Variants in ULK4 observed in about 807,000 individuals in gnomAD.
ULK4 encodes unc-51 like kinase 4.
A neutral mutation model predicts 160.6 loss-of-function variants in ULK4; 133 were observed. That is an observed-to-expected ratio of 0.83 (90% CI 0.72 to 0.96). The LOEUF is 0.96. Ranked by LOEUF, ULK4 falls within the 40% of genes least tolerant of loss-of-function variation. The pLI is 0.00. For missense variants in ULK4, 1,580 were observed against 1,499.5 expected, an observed-to-expected ratio of 1.05 and a Z score of -0.89; for synonymous variants, 534 against 539.8, an observed-to-expected ratio of 0.99 and a Z score of 0.15.
intron 22 of ULK4, among the ~76,000 whole-genome samples, chr3:41,726,609 C>G (rs1027987610): frequency 4.6e-5 from 7 of 151,998 alleles, no homozygotes; most frequent in African/African-American, 1.4e-4. Flanking sequence ...ATCAATTCTC[C>G]TTTGTGTCCC....
intron 35 of ULK4, among the ~76,000 whole-genome samples, chr3:41,378,118 G>A (rs1279014249): frequency 1.3e-5 from 2 of 150,318 alleles, no homozygotes; most frequent in East Asian, 2.0e-4. Context: ...GTAAACTATT[G>A]CAAGAACAAA....
intron 27 of ULK4, among the ~76,000 whole-genome samples, chr3:41,695,994 C>T (rs901667734): frequency 3.3e-5 from 5 of 152,202 alleles, no homozygotes; most frequent in Admixed American, 3.3e-4. Flanking sequence ...GCTCCTTGGT[C>T]TAGCGGTAAC....
chr3:41,402,793 T>C (rs2082208546), intron 34 of ULK4, among the ~76,000 whole-genome samples: 2 of 152,186 alleles, frequency 1.3e-5, no homozygotes, highest in African/African-American at 2.4e-5. Context: ...GAGATACTGA[T>C]TGTAGTCTTT....
chr3:41,542,489 GT>G (rs1487096136), intron 32 of ULK4, among the ~76,000 whole-genome samples: 2 of 151,940 alleles, frequency 1.3e-5, no homozygotes, highest in Non-Finnish European at 2.9e-5. Flanking sequence ...TTCTTTTTTT[GT>G]TTTGTCTTTG....
At chr3:41,840,662 T>C (rs967410805) in intron 17 of ULK4, among the ~76,000 whole-genome samples, 2 of 152,342 alleles carry the variant, frequency 1.3e-5, no homozygotes, top group Admixed American at 6.5e-5. Flanking sequence ...AGACGGAGTC[T>C]CGCTCACTCA....
At chr3:41,476,198 C>G (rs1253760050) in intron 32 of ULK4, among the ~76,000 whole-genome samples, 1 of 152,102 alleles carries the variant, frequency 6.6e-6, no homozygotes, top group Non-Finnish European at 1.5e-5. Context: ...AGTCTCCCAC[C>G]TTACCTAGTG....
intron 31 of ULK4, among the ~76,000 whole-genome samples, chr3:41,604,963 CTTAA>C (rs1439769727): frequency 2.0e-5 from 3 of 152,026 alleles, no homozygotes; most frequent in African/African-American, 7.2e-5. Context: ...ACTGTGCATA[CTTAA>C]TTGATTTAAT....
At chr3:41,738,461 C>T (rs945989568) in intron 22 of ULK4, among the ~76,000 whole-genome samples, 15 of 151,940 alleles carry the variant, frequency 9.9e-5, no homozygotes, top group African/African-American at 2.7e-4. Flanking sequence ...GGCCCTAAAA[C>T]ACTCTGCAAA....
chr3:41,381,270 C>T (rs1373862520), intron 35 of ULK4, among the ~76,000 whole-genome samples: 2 of 152,156 alleles, frequency 1.3e-5, no homozygotes, highest in African/African-American at 4.8e-5. Flanking sequence ...ATTCACTCTC[C>T]TCATTTTAAC....
Position 41,431,547 on chromosome 3 carries a change from C to CTT in ULK4, c.3492+23948_3492+23949dup, listed in dbSNP as rs1553664758. On this transcript the variant is annotated intron_variant, in intron 34 of 36. Transcript: ENST00000301831. ...CCTGTGAGGTGTTGTAATTCCCTCC[C>CTT]TTTTTTTTTTTTTTTGATGTGGAAA... Among the ~76,000 whole-genome samples, 15 of 95,870 alleles carry CTT rather than the reference C, an allele frequency of 1.6e-4. 2 individuals carry two copies. The highest frequency in any genetic ancestry group is 8.9e-4 in the East Asian group (2 of 2,254). The allele number at this position is 95,870 out of a possible 152,430, so 62.9% of individuals were successfully genotyped here.
chr3:41,647,548 CTGGAAGTTTTGT>C (rs2034558437), intron 30 of ULK4, among the ~76,000 whole-genome samples: 1 of 152,204 alleles, frequency 6.6e-6, no homozygotes, highest in African/African-American at 2.4e-5. Context: ...GATCATTCCT[CTGGAAGTTTTGT>C]CTCAGAGGAG....
At position 41,625,577 on chromosome 3, in the gene ULK4, A is replaced by C. The variant is rs1575496218; in HGVS notation, c.3072-9860T>G. On this transcript the variant is annotated intron_variant, in intron 30 of 36. Coordinates refer to ENST00000301831, the MANE Select transcript of ULK4 (RefSeq NM_017886.4). ...GAGGATGAGGCTTACCACTAAAAAA[A>C]AGTTGATGTTGCTGATTTCTAGAGA... Among the ~76,000 whole-genome samples, 8 of 152,336 alleles carry C rather than the reference A, an allele frequency of 5.3e-5. 1 individual carries two copies. Among genetic ancestry groups the C allele is most frequent in the Middle Eastern group, 3.4e-3 (1 of 294 alleles).
intron 35 of ULK4, among the ~76,000 whole-genome samples, chr3:41,397,095 G>T (rs533159915): frequency 3.3e-5 from 5 of 152,140 alleles, no homozygotes; most frequent in Admixed American, 1.3e-4. Flanking sequence ...ATCTAGAAGT[G>T]AACACAGACT....
chr3:41,362,592 C>T (rs1285151948), intron 35 of ULK4, among the ~76,000 whole-genome samples: 1 of 152,148 alleles, frequency 6.6e-6, no homozygotes, highest in Non-Finnish European at 1.5e-5. Context: ...CCTCTTATGC[C>T]TCAGATTTTA....
rs543475041 is a variant in ULK4, at chr3:41,411,956, C to A, written c.3493-13692G>T. 1.5e-4 allele frequency among the ~76,000 whole-genome samples: 23 copies of A among 152,202 alleles called. 1 individual carries two copies. Among genetic ancestry groups the A allele is most frequent in the Admixed American group, 6.5e-5 (1 of 15,290 alleles). ...TCTGGCCAATGCAATCAGCACACCCCCTACCTGAAGCTCCACCCAGTGGCA... is the reference window on the plus strand; with the variant it reads ...TCTGGCCAATGCAATCAGCACACCCACTACCTGAAGCTCCACCCAGTGGCA... On this transcript the variant is annotated intron_variant, in intron 34 of 36. Coordinates refer to ENST00000301831, the MANE Select transcript of ULK4 (RefSeq NM_017886.4).
intron 34 of ULK4, among the ~76,000 whole-genome samples, chr3:41,419,408 G>A (rs998907668): frequency 2.0e-5 from 3 of 152,134 alleles, no homozygotes; most frequent in African/African-American, 7.2e-5. Flanking sequence ...AGACACTCTC[G>A]TGGAGGTATT....
chr3:41,693,622 A>C (rs2036385521), intron 27 of ULK4, among the ~76,000 whole-genome samples: 1 of 152,228 alleles, frequency 6.6e-6, no homozygotes. Flanking sequence ...CACTCTACAG[A>C]AAGAAATATT....
chr3:41,455,412 CAT>C (rs2083522606), intron 34 of ULK4, 83 bp downstream of exon 34: 3 of 1,261,472 alleles, frequency 2.4e-6, no homozygotes, highest in East Asian at 2.4e-5. Flanking sequence ...ATAAAAATAA[CAT>C]AGAAACTCAA....
intron 32 of ULK4, among the ~76,000 whole-genome samples, chr3:41,563,487 A>G (rs966097221): frequency 6.6e-6 from 1 of 152,226 alleles, no homozygotes; most frequent in African/African-American, 2.4e-5. Context: ...CGTCACGTTC[A>G]GGTACACCAA....
Sources: allele counts gnomAD v4.1 joint callset (sites outside exome capture counted in the v4.1 genomes callset), GRCh38; gene constraint gnomAD v4.1.1; transcripts MANE v1.5; gene names NCBI Gene and HGNC (gene_info 2026-07-23, HGNC 2026-07-21).